The following TTLL5 variants were observed in gnomAD, a reference collection of about 807,000 sequenced individuals.
TTLL5 encodes tubulin polyglutamylase TTLL5.
In TTLL5, 132 loss-of-function variants were observed where a neutral mutation model predicts 168.4. That is an observed-to-expected ratio of 0.78 (90% CI 0.68 to 0.91). The LOEUF (loss-of-function observed/expected upper bound fraction) is 0.91, where lower values mean the gene tolerates loss of function less well. TTLL5 is among the 40% of genes least tolerant of loss of function. The pLI is 0.00. For missense variants in TTLL5, 1,545 were observed against 1,581.5 expected, an observed-to-expected ratio of 0.98 and a Z score of 0.39; for synonymous variants, 546 against 558.6, an observed-to-expected ratio of 0.98 and a Z score of 0.32.
At chr14:75,832,712 G>A (rs565423106) in intron 28 of TTLL5, among the ~76,000 whole-genome samples, 11 of 152,240 alleles carry the variant, frequency 7.2e-5, no homozygotes, top group Non-Finnish European at 1.0e-4. Flanking sequence ...TTCTGCTGCC[G>A]ATGTACAAAG....
Position 75,776,748 on chromosome 14 carries a change from A to G in TTLL5, c.2285A>G (p.Glu762Gly). ...LGDFIIVYNKETEQMAEKKSK... is the reference protein window; with the variant it reads ...LGDFIIVYNKGTEQMAEKKSK... ...CTGTGGGGTTTGGGCACTGGGTAGGAAACAGAACAAATGGCTGAAAAGAAA... is the reference window on the plus strand; with the variant it reads ...CTGTGGGGTTTGGGCACTGGGTAGGGAACAGAACAAATGGCTGAAAAGAAA... The change falls in exon 23 of 32, where the codon GAA becomes GGA. Residue 762 changes from glutamate to glycine, a missense_variant and splice_region_variant. By Grantham distance (98) the Glu-to-Gly change is moderately conservative. Transcript: ENST00000298832. The G allele has an allele frequency of 6.2e-7, 1 of 1,613,440 alleles. No individual in the cohort carries two copies.
intron 27 of TTLL5, among the ~76,000 whole-genome samples, chr14:75,817,487 G>A (rs894052477): frequency 1.3e-5 from 2 of 152,136 alleles, no homozygotes; most frequent in Non-Finnish European, 2.9e-5. Context: ...GTCCTTTGGT[G>A]TAAAGACACA....
At chr14:75,801,077 A>T (rs934594733) in intron 27 of TTLL5, among the ~76,000 whole-genome samples, 1 of 152,110 alleles carries the variant, frequency 6.6e-6, no homozygotes, top group Non-Finnish European at 1.5e-5. Context: ...GGGCGGGGCC[A>T]CAGAGCTCCC....
At position 75,861,697 on chromosome 14, in the gene TTLL5, G is replaced by A. The variant is rs1429803070; in HGVS notation, c.3327-1970G>A. ...TATGAAAGTCTTATGTTTCTTCTAT[G>A]TACAATTTTCCTGTCACTGTACCTA... On this transcript the variant is annotated intron_variant, in intron 28 of 31. Transcript: ENST00000298832. 2.0e-5 allele frequency among the ~76,000 whole-genome samples: 3 copies of A among 152,064 alleles called. No homozygotes were observed. In the East Asian group the frequency reaches 5.8e-4, roughly 29 times the overall value.
intron 31 of TTLL5, among the ~76,000 whole-genome samples, chr14:75,915,189 A>G (rs2033571073): frequency 6.6e-6 from 1 of 152,028 alleles, no homozygotes; most frequent in African/African-American, 2.4e-5. Context: ...TGTCTTTCTT[A>G]TCTTCTGAAC....
chr14:75,791,706 A>G lies in TTLL5; in HGVS notation c.2987-1210A>G, dbSNP rs989793218. ...TATAACTACATATACAGCTATTATAAATATTTTGTATGTACTAAATAATAT... is the reference window on the plus strand; with the variant it reads ...TATAACTACATATACAGCTATTATAGATATTTTGTATGTACTAAATAATAT... On this transcript the variant is annotated intron_variant, in intron 26 of 31. Coordinates refer to ENST00000298832, the MANE Select transcript of TTLL5 (RefSeq NM_015072.5). 2.6e-5 allele frequency among the ~76,000 whole-genome samples: 4 copies of G among 152,162 alleles called. No homozygotes were observed. In the East Asian group the frequency reaches 7.7e-4, roughly 29 times the overall value.
intron 28 of TTLL5, 122 bp from the exon 29 acceptor site, chr14:75,863,545 A>G (rs2030212026): frequency 1.1e-6 from 1 of 942,738 alleles, no homozygotes; most frequent in Non-Finnish European, 1.6e-6. Flanking sequence ...ACACAAGTAG[A>G]TTTGTAATTC....
intron 29 of TTLL5, among the ~76,000 whole-genome samples, chr14:75,869,013 AGTGTGTGTGTGTGTGTGTGTGTGT>A (rs3138589): frequency 3.2e-5 from 4 of 124,420 alleles, no homozygotes; most frequent in South Asian, 2.7e-4. Flanking sequence ...AGAGGGGAGG[AGTGTGTGTGTGTGTGTGTGTGTGT>A]GTGTGTGTGT....
chr14:75,765,062 A>G (rs181643870), intron 19 of TTLL5, among the ~76,000 whole-genome samples: 213 of 152,326 alleles, frequency 1.4e-3, no homozygotes, highest in Non-Finnish European at 2.4e-3. Flanking sequence ...CCTGAGTTTA[A>G]TGGAATCCTG....
At chr14:75,662,902 C>T (rs1027039377) in intron 1 of TTLL5, among the ~76,000 whole-genome samples, 153 bp from the exon 2 acceptor site, 2 of 152,304 alleles carry the variant, frequency 1.3e-5, no homozygotes, top group South Asian at 4.1e-4. Flanking sequence ...TATTGAGGCA[C>T]ATTCCATATG....
intron 21 of TTLL5, among the ~76,000 whole-genome samples, chr14:75,773,821 C>T (rs937319368): frequency 1.3e-4 from 19 of 144,890 alleles, no homozygotes; most frequent in African/African-American, 3.9e-4. Context: ...ACCTGGCAGG[C>T]GGAGGTTGCA....
intron 28 of TTLL5, among the ~76,000 whole-genome samples, chr14:75,849,491 G>T (rs1404881514): frequency 6.6e-6 from 1 of 152,196 alleles, no homozygotes; most frequent in East Asian, 1.9e-4. Context: ...AGAAGGAAGA[G>T]ATAGAAATAA....
At chr14:75,777,525 T>C (rs374034224) in intron 23 of TTLL5, among the ~76,000 whole-genome samples, 1 of 152,218 alleles carries the variant, frequency 6.6e-6, no homozygotes, top group African/African-American at 2.4e-5. Context: ...ATTTTGTCCA[T>C]TTATGTTGGC....
intron 31 of TTLL5, among the ~76,000 whole-genome samples, chr14:75,924,774 G>A (rs971325712): frequency 5.3e-5 from 8 of 151,906 alleles, no homozygotes; most frequent in Non-Finnish European, 7.4e-5. Flanking sequence ...TTGTCATCCC[G>A]GCCCGCTCTC....
chr14:75,909,342 C>T (rs138120891), intron 31 of TTLL5, among the ~76,000 whole-genome samples: 1 of 148,682 alleles, frequency 6.7e-6, no homozygotes, highest in African/African-American at 2.5e-5. Flanking sequence ...CCTGAAGCCC[C>T]CTGGAATTAT....
rs1888839457 is a variant in TTLL5 at position 75,735,585 on chromosome 14, A to T, written c.1281+296A>T. Among the ~76,000 whole-genome samples the T allele has an allele frequency of 2.6e-5, 4 of 152,136 alleles. No homozygotes were observed. In the South Asian group the frequency reaches 8.3e-4, roughly 31 times the overall value. Reference sequence around the variant, plus strand: ...TTTTCCGCCTCAGATTGATATGCTCAGAAACAAGGCACAGAAAAGGAGCCT... The same window carrying T: ...TTTTCCGCCTCAGATTGATATGCTCTGAAACAAGGCACAGAAAAGGAGCCT... On this transcript the variant is annotated intron_variant, in intron 15 of 31. Coordinates refer to ENST00000298832, the MANE Select transcript of TTLL5 (RefSeq NM_015072.5).
At chr14:75,920,549 T>G (rs1431239653) in intron 31 of TTLL5, among the ~76,000 whole-genome samples, 1 of 152,202 alleles carries the variant, frequency 6.6e-6, no homozygotes, top group Non-Finnish European at 1.5e-5. Context: ...ATTTCTAGCT[T>G]CATCCATGTC....
intron 20 of TTLL5, among the ~76,000 whole-genome samples, chr14:75,767,884 A>G (rs1026221742): frequency 2.6e-5 from 4 of 152,128 alleles, no homozygotes; most frequent in Non-Finnish European, 5.9e-5. Flanking sequence ...ACTTAGTAAA[A>G]TTTGCAAAGT....
chr14:75,724,790 G>T lies in TTLL5; in HGVS notation c.1042+4087G>T, dbSNP rs901588387. 5.9e-5 allele frequency among the ~76,000 whole-genome samples: 9 copies of T among 152,090 alleles called. No homozygotes were observed. The East Asian group carries it at 1.7e-3, about 29-fold the overall frequency. ...CTAATTTTTACTGCCTTCCAAGATCGTGAAAATATGGTACCATGTGAAATA... is the reference window on the plus strand; with the variant it reads ...CTAATTTTTACTGCCTTCCAAGATCTTGAAAATATGGTACCATGTGAAATA... On this transcript the variant is annotated intron_variant, in intron 12 of 31. Transcript: ENST00000298832.
Sources: gnomAD v4.1 joint callset for allele counts (sites outside exome capture counted in the v4.1 genomes callset) on GRCh38, gnomAD v4.1.1 for gene constraint, MANE v1.5 for transcripts, NCBI Gene and HGNC (gene_info 2026-07-23, HGNC 2026-07-21) for gene names.